Variants in SESN1 observed in about 807,000 individuals in gnomAD.
The protein encoded by SESN1 is sestrin-1.
Under a neutral mutation model 59.3 loss-of-function variants are expected in SESN1, and 30 were observed. That is an observed-to-expected ratio of 0.51 (90% CI 0.38 to 0.69). SESN1 has a LOEUF of 0.69. SESN1 is among the 30% of genes least tolerant of loss of function. The pLI, the probability that SESN1 is intolerant of heterozygous loss-of-function variation, is 0.00. For missense variants in SESN1, 566 were observed against 673.0 expected (o/e 0.84, Z 1.76); for synonymous variants, 197 against 219.9 (o/e 0.90, Z 0.92).
In SESN1 at chr6:109,080,914, C is replaced by A. The variant is rs79852045; in HGVS notation, c.279+12881G>T. 7.9e-3 allele frequency among the ~76,000 whole-genome samples: 1,197 copies of A among 152,054 alleles called. 21 individuals are homozygous for A. Among genetic ancestry groups the A allele is most frequent in the African/African-American group, 0.028 (1,147 of 41,492 alleles). On this transcript the variant is annotated intron_variant, in intron 1 of 9. Coordinates refer to ENST00000436639, the MANE Select transcript of SESN1 (RefSeq NM_014454.3). ...GACTATTTCATGCACAAAATTATTCCAAGTATTGCATAAAAATTACCTTCA... is the reference window on the plus strand; with the variant it reads ...GACTATTTCATGCACAAAATTATTCAAAGTATTGCATAAAAATTACCTTCA...
At chr6:108,991,237 G>A (rs1263966628) in intron 7 of SESN1, among the ~76,000 whole-genome samples, 1 of 151,872 alleles carries the variant, frequency 6.6e-6, no homozygotes, top group Non-Finnish European at 1.5e-5. Flanking sequence ...GAGTGTGTGT[G>A]TGTGTGTGTG....
intron 1 of SESN1, among the ~76,000 whole-genome samples, chr6:109,043,486 A>C (rs951445520): frequency 6.6e-6 from 1 of 152,206 alleles, no homozygotes; most frequent in Admixed American, 6.5e-5. Context: ...ATTTATAAAA[A>C]ACAACGAATT....
chr6:109,081,876 TG>T (rs1328441632), intron 1 of SESN1, among the ~76,000 whole-genome samples: 7 of 152,152 alleles, frequency 4.6e-5, no homozygotes, highest in Admixed American at 4.6e-4. Flanking sequence ...AAGCTCCCAT[TG>T]GGGGAAGCAC....
At chr6:109,014,273 C>CT in intron 1 of SESN1, among the ~76,000 whole-genome samples, 1 of 152,180 alleles carries the variant, frequency 6.6e-6, no homozygotes, top group East Asian at 1.9e-4. Context: ...GTTTTCTAGG[C>CT]TGATAATAAT....
At position 108,986,294 on chromosome 6, in the gene SESN1, ACTC is replaced by A. The variant is rs1327014028; in HGVS notation, c.*1247_*1249del. The A allele has an allele frequency of 2.0e-5, 3 of 152,220 alleles. No individual in the cohort carries two copies. Among genetic ancestry groups the A allele is most frequent in the South Asian group, 4.2e-4 (2 of 4,818 alleles). 9.4% of individuals were successfully genotyped at this position (152,220 alleles called of 1,614,324 possible). A position where few individuals can be genotyped will look rare whatever the true frequency, so the allele number is the denominator to read the frequency against. ...TCAGATAAGATTCTAAAGAAAGTCCACTCCTCTTTGTATGTTTCAAAATGGCTT... is the reference window on the plus strand; with the variant it reads ...TCAGATAAGATTCTAAAGAAAGTCCACTCTTTGTATGTTTCAAAATGGCTT... On this transcript the variant is annotated 3_prime_UTR_variant, in exon 10 of 10. Coordinates refer to ENST00000436639, the MANE Select transcript of SESN1 (RefSeq NM_014454.3).
intron 1 of SESN1, among the ~76,000 whole-genome samples, chr6:109,038,738 T>A (rs753279414): frequency 6.6e-6 from 1 of 152,154 alleles, no homozygotes; most frequent in Admixed American, 6.5e-5. Context: ...TAAGCAAGAA[T>A]AGTTAAATTT....
chr6:109,039,902 C>T (rs1780312244), intron 1 of SESN1, among the ~76,000 whole-genome samples: 1 of 152,172 alleles, frequency 6.6e-6, no homozygotes. Context: ...GAGGAGAAAG[C>T]ACAGTCAAGG....
At chr6:109,028,453 TC>T (rs1165832668) in intron 1 of SESN1, among the ~76,000 whole-genome samples, 65 of 152,162 alleles carry the variant, frequency 4.3e-4, no homozygotes, top group African/African-American at 1.5e-3. Context: ...CTTAAAGTGT[TC>T]TGGTACATTT....
At chr6:109,006,606 TTTCA>T (rs905407686) in intron 1 of SESN1, among the ~76,000 whole-genome samples, 3 of 152,144 alleles carry the variant, frequency 2.0e-5, no homozygotes, top group African/African-American at 7.2e-5. Flanking sequence ...AGTTGGTATC[TTTCA>T]TTATTATTCT....
At chr6:109,048,014 T>G (rs1165592106) in intron 1 of SESN1, among the ~76,000 whole-genome samples, 2 of 149,398 alleles carry the variant, frequency 1.3e-5, no homozygotes, top group Non-Finnish European at 3.0e-5. Flanking sequence ...CACTTGTTTA[T>G]CTGCTGACCT....
intron 1 of SESN1, among the ~76,000 whole-genome samples, chr6:109,016,127 T>G (rs1427516262): frequency 6.6e-6 from 1 of 152,240 alleles, no homozygotes; most frequent in African/African-American, 2.4e-5. Context: ...TTAAAATGTT[T>G]GGGCTAAATG....
intron 1 of SESN1, among the ~76,000 whole-genome samples, chr6:109,033,222 G>A (rs751572551): frequency 5.9e-5 from 9 of 152,170 alleles, no homozygotes; most frequent in Non-Finnish European, 8.8e-5. Flanking sequence ...AGAGAGTGCA[G>A]TGGTCTGGTT....
chr6:109,051,973 T>C (rs992067082), intron 1 of SESN1, among the ~76,000 whole-genome samples: 4 of 152,186 alleles, frequency 2.6e-5, no homozygotes, highest in African/African-American at 9.7e-5. Flanking sequence ...TACTATCACA[T>C]TGACAGCACC....
chr6:109,080,538 T>C (rs1295471036), intron 1 of SESN1, among the ~76,000 whole-genome samples: 3 of 152,120 alleles, frequency 2.0e-5, no homozygotes, highest in Admixed American at 2.0e-4. Flanking sequence ...TCAACATGGG[T>C]CAAGGTTTAA....
chr6:108,990,301 A>C (rs984829388), intron 8 of SESN1, among the ~76,000 whole-genome samples: 1 of 152,258 alleles, frequency 6.6e-6, no homozygotes, highest in African/African-American at 2.4e-5. Context: ...AGGTAGAAAC[A>C]TAAGTGTATC....
At chr6:109,003,247 C>G (rs900828338) in intron 1 of SESN1, among the ~76,000 whole-genome samples, 5 of 151,338 alleles carry the variant, frequency 3.3e-5, no homozygotes, top group African/African-American at 1.2e-4. Flanking sequence ...TAAAGATTAA[C>G]CCCTTCACTC....
intron 1 of SESN1, among the ~76,000 whole-genome samples, chr6:109,032,603 G>A (rs1313546118): frequency 1.4e-5 from 2 of 147,466 alleles, no homozygotes; most frequent in Non-Finnish European, 2.9e-5. Flanking sequence ...GGGTGACAGA[G>A]CAAGACTTCA....
intron 1 of SESN1, among the ~76,000 whole-genome samples, chr6:109,053,755 C>T (rs1780582474): frequency 6.6e-6 from 1 of 152,170 alleles, no homozygotes; most frequent in Non-Finnish European, 1.5e-5. Context: ...GGTTGGATCT[C>T]ATGAAACAAG....
Position 109,091,153 on chromosome 6 carries a change from T to C in SESN1, c.279+2642A>G, listed in dbSNP as rs377142642. ...CAAACCTATGCTGTTCAAGGGTCAA[T>C]TGTAATTCTATATTATTACTCTACC... On this transcript the variant is annotated intron_variant, in intron 1 of 9. Transcript: ENST00000436639. 4.6e-5 allele frequency among the ~76,000 whole-genome samples: 7 copies of C among 152,334 alleles called. No individual in the cohort carries two copies. In the East Asian group the frequency reaches 9.6e-4, roughly 21 times the overall value.
Sources: gnomAD v4.1 joint callset for allele counts (sites outside exome capture counted in the v4.1 genomes callset) on GRCh38, gnomAD v4.1.1 for gene constraint, MANE v1.5 for transcripts, NCBI Gene and HGNC (gene_info 2026-07-23, HGNC 2026-07-21) for gene names.